Variants in LMF1 observed in about 807,000 individuals in gnomAD.
The protein encoded by LMF1 is lipase maturation factor 1, also known as transmembrane protein 112.
LMF1 carries 68 observed loss-of-function variants against 60.6 expected under a neutral mutation model. The observed-to-expected ratio is 1.12, with a 90% confidence interval of 0.92 to 1.37. The LOEUF (loss-of-function observed/expected upper bound fraction) is 1.37, where lower values mean the gene tolerates loss of function less well. Among genes scored for constraint, LMF1 ranks in the 40% most tolerant of loss-of-function variants. The probability of loss-of-function intolerance (pLI) is 0.00; values close to 1 mark genes in which losing one functional copy is unlikely to be tolerated. For synonymous variants in LMF1, 418 were observed against 324.7 expected (o/e 1.29, Z -3.09); for missense variants, 948 against 767.2 (o/e 1.24, Z -2.78).
At chr16:925,691 G>T (rs1403028280) in intron 3 of LMF1, among the ~76,000 whole-genome samples, 1 of 152,226 alleles carries the variant, frequency 6.6e-6, no homozygotes, top group Non-Finnish European at 1.5e-5. Flanking sequence ...AGCCGTGATT[G>T]TGCCAGTGCA....
At chr16:879,491 A>G in intron 6 of LMF1, 79 bp downstream of exon 6, 1 of 1,524,600 alleles carries the variant, frequency 6.6e-7, no homozygotes. Flanking sequence ...GGGTCCTCCC[A>G]GAGAGCGGGG....
At chr16:935,244 T>A in intron 2 of LMF1, among the ~76,000 whole-genome samples, 1 of 151,906 alleles carries the variant, frequency 6.6e-6, no homozygotes, top group East Asian at 1.9e-4. Context: ...GGACCACAGG[T>A]GTACACCATG....
chr16:946,921 T>G (rs972942019), intron 2 of LMF1, among the ~76,000 whole-genome samples: 1 of 152,182 alleles, frequency 6.6e-6, no homozygotes, highest in African/African-American at 2.4e-5. Flanking sequence ...CAGGCTCCCA[T>G]ATGAGAGACG....
upstream of LMF1, chr16:975,714 C>T: frequency 4.6e-6 from 2 of 435,496 alleles, no homozygotes. Flanking sequence ...CTTAATTAAG[C>T]CTTCCTTCCC....
At chr16:905,046 C>T (rs1262096693) in intron 4 of LMF1, 28 of 95,178 alleles carry the variant, frequency 2.9e-4, no homozygotes, top group African/African-American at 7.7e-4. Context: ...CTGCACTGCC[C>T]GTGGGGACGC....
At chr16:974,409 A>T (rs2073097114), upstream of LMF1, among the ~76,000 whole-genome samples, 1 of 151,942 alleles carries the variant, frequency 6.6e-6, no homozygotes, top group South Asian at 2.1e-4. Context: ...TCAAGCAAAA[A>T]CTCTAAGAGA....
chr16:870,991 G>A (rs1227732683), intron 7 of LMF1, 109 bp from the exon 8 acceptor site: 9 of 1,443,794 alleles, frequency 6.2e-6, no homozygotes, highest in Non-Finnish European at 7.4e-6. Flanking sequence ...TGGGTCCCGG[G>A]GACGGAGCAG....
upstream of LMF1, chr16:975,977 G>GCAAGGAGCCTCATGAAATCTGTGGACATT (rs141146619): frequency 2.2e-6 from 1 of 452,680 alleles, no homozygotes; most frequent in African/African-American, 2.0e-5. Flanking sequence ...GACATTCCGG[G>GCAAGGAGCCTCATGAAATCTGTGGACATT]CAAGGGGCCT....
intron 3 of LMF1, among the ~76,000 whole-genome samples, chr16:930,628 C>CTGT (rs2071752992): frequency 6.6e-6 from 1 of 152,238 alleles, no homozygotes; most frequent in Non-Finnish European, 1.5e-5. Flanking sequence ...GCGACGGGGG[C>CTGT]TGTGCGGACT....
chr16:879,780 G>A (rs769149483), intron 5 of LMF1, 43 bp from the exon 6 acceptor site: 36 of 1,540,626 alleles, frequency 2.3e-5, no homozygotes, highest in Non-Finnish European at 3.1e-5. Flanking sequence ...GCCGATCTCG[G>A]GGGGCGGGGC....
At chr16:981,347 A>AAAGAGTGT (rs2073368655), upstream of LMF1, 7 of 96,328 alleles carry the variant, frequency 7.3e-5, no homozygotes, top group Admixed American at 4.8e-4. Flanking sequence ...AGAGAGAGAG[A>AAAGAGTGT]GTGTGTGTGT....
rs115313199 is a variant in LMF1 at position 954,476 on chromosome 16, C to T, written c.384G>A (p.Leu128=). The part of the protein sequence containing the change: ...DWSDMNSNLD[L]LALLGLGISS... ...AGATGCCCAGTCCGAGAAGAGCCAG[C>T]AAGTCCAGGTTGGAGTTCATGTCTG... The change falls in exon 2 of 11, where the codon TTG becomes TTA. Residue 128 remains leucine (L), a synonymous_variant. Coordinates refer to ENST00000262301, the MANE Select transcript of LMF1 (RefSeq NM_022773.4). 1 of 1,612,730 alleles carries T rather than the reference C, an allele frequency of 6.2e-7. No individual in the cohort carries two copies. Among genetic ancestry groups the T allele is most frequent in the South Asian group, 1.1e-5 (1 of 90,886 alleles).
intron 1 of LMF1, chr16:968,955 G>A (rs2072982820): frequency 6.6e-6 from 1 of 152,212 alleles, no homozygotes; most frequent in South Asian, 2.1e-4. Context: ...TTCATCGTTT[G>A]CTAAGTGACA....
chr16:916,230 T>C (rs1301772586), intron 3 of LMF1, among the ~76,000 whole-genome samples: 1 of 152,178 alleles, frequency 6.6e-6, no homozygotes, highest in Non-Finnish European at 1.5e-5. Context: ...TCATTAAATA[T>C]AGCACAGATG....
intron 10 of LMF1, among the ~76,000 whole-genome samples, chr16:868,742 T>C (rs1201746830): frequency 2.0e-5 from 1 of 49,496 alleles, no homozygotes; most frequent in Non-Finnish European, 3.8e-5. Flanking sequence ...GAGGCAGGGG[T>C]GGGACCAGCC....
At chr16:926,140 G>A (rs116658308) in intron 3 of LMF1, among the ~76,000 whole-genome samples, 2,098 of 151,530 alleles carry the variant, frequency 0.014, 57 homozygotes, top group African/African-American at 0.048. Flanking sequence ...GTGTGCATGC[G>A]TGCACCTGTG....
intron 3 of LMF1, among the ~76,000 whole-genome samples, chr16:919,417 T>C (rs113495279): frequency 0.012 from 1,883 of 152,228 alleles, 22 homozygotes; most frequent in South Asian, 0.096. Flanking sequence ...ACACAGCTCC[T>C]GCCCCACCTT....
At position 853,946 on chromosome 16, in the gene LMF1, G is replaced by GT. The variant is rs2069116764; in HGVS notation, c.*585dup. On this transcript the variant is annotated 3_prime_UTR_variant, in exon 11 of 11. Transcript: ENST00000262301. ...GTGTGTGCCTGCATGTGTGGGATGC[G>GT]TGTAGGCTGTGGCGGGGGTGGAGAT... 1 of 454,006 alleles carries GT rather than the reference G, an allele frequency of 2.2e-6. No individual in the cohort carries two copies. 28.1% of individuals were successfully genotyped at this position (454,006 alleles called of 1,614,324 possible). A position where few individuals can be genotyped will look rare whatever the true frequency, so the allele number is the denominator to read the frequency against.
Position 897,117 on chromosome 16 carries a change from C to T in LMF1, c.664-4045G>A, listed in dbSNP as rs1016929890. ...GAATGCCAGAACTTTCCAGGCCCAT[C>T]GACGATGTTCCCGCCTTGCAACGTG... On this transcript the variant is annotated intron_variant, in intron 4 of 10. Transcript: ENST00000262301. The surrounding 1 kb of genome is among the most constrained non-coding windows in gnomAD (Gnocchi z 4.3). Among the ~76,000 whole-genome samples, 12 of 152,346 alleles carry T rather than the reference C, an allele frequency of 7.9e-5. No individual in the cohort carries two copies. Among genetic ancestry groups the T allele is most frequent in the African/African-American group, 2.9e-4 (12 of 41,576 alleles).
Sources: allele counts gnomAD v4.1 joint callset (sites outside exome capture counted in the v4.1 genomes callset), GRCh38; gene constraint gnomAD v4.1.1; non-coding constraint Gnocchi (gnomAD v3.1); transcripts MANE v1.5; gene names NCBI Gene and HGNC (gene_info 2026-07-23, HGNC 2026-07-21).